Variants in RBPJ observed in about 807,000 individuals in gnomAD.
RBPJ encodes the protein recombining binding protein suppressor of hairless.
A neutral mutation model predicts 67.8 loss-of-function variants in RBPJ; 9 were observed. That is an observed-to-expected ratio of 0.13 (90% CI 0.08 to 0.23). The LOEUF (loss-of-function observed/expected upper bound fraction) is 0.23, where lower values mean the gene tolerates loss of function less well. Among genes scored for constraint, RBPJ ranks in the 10% least tolerant of loss-of-function variants. The pLI is 1.00. For synonymous variants in RBPJ, 198 were observed against 203.3 expected (o/e 0.97, Z 0.22); for missense variants, 305 against 595.6 (o/e 0.51, Z 5.08).
intron 1 of RBPJ, among the ~76,000 whole-genome samples, chr4:26,379,709 G>A (rs1730121894): frequency 6.6e-6 from 1 of 152,028 alleles, no homozygotes; most frequent in Admixed American, 6.6e-5. Context: ...AGAACACAGA[G>A]CCAAACCGTA....
At chr4:26,221,912 G>A (rs1403696259) in intron 1 of RBPJ, among the ~76,000 whole-genome samples, 2 of 152,178 alleles carry the variant, frequency 1.3e-5, no homozygotes, top group Non-Finnish European at 2.9e-5. Flanking sequence ...AGCGCTGAAC[G>A]AATTCAATCC....
At chr4:26,149,782 T>A in the RBPJ span, among the ~76,000 whole-genome samples, 2 of 152,182 alleles carry the variant, frequency 1.3e-5, no homozygotes, top group Admixed American at 6.5e-5. Flanking sequence ...GTTTTTGGTG[T>A]TCTCTTATAG....
At chr4:26,368,557 G>A (rs868659661) in intron 1 of RBPJ, among the ~76,000 whole-genome samples, 5 of 152,122 alleles carry the variant, frequency 3.3e-5, no homozygotes, top group African/African-American at 7.2e-5. Context: ...TGATAGCAGC[G>A]TGTATTCTTT....
rs1422110373 is a variant in RBPJ, at chr4:26,433,874, C to T, written c.*2867C>T. The T allele has an allele frequency of 6.6e-6, 1 of 152,138 alleles. No homozygotes were observed. Among genetic ancestry groups the T allele is most frequent in the Non-Finnish European group, 1.5e-5 (1 of 68,028 alleles). The allele number at this position is 152,138 out of a possible 1,614,324, so 9.4% of individuals were successfully genotyped here. A position where few individuals can be genotyped will look rare whatever the true frequency, so the allele number is the denominator to read the frequency against. ...CATTATTAGACATGCTGGTCATTTA[C>T]CCTCAGAAAGACTCTCTTATTAGAA... On this transcript the variant is annotated 3_prime_UTR_variant, in exon 11 of 11. Coordinates refer to ENST00000355476, the MANE Select transcript of RBPJ (RefSeq NM_015874.6).
chr4:26,283,307 G>A (rs1385878441), intron 1 of RBPJ, among the ~76,000 whole-genome samples: 1 of 151,674 alleles, frequency 6.6e-6, no homozygotes, highest in Non-Finnish European at 1.5e-5. Context: ...CACTTTGGGA[G>A]GCCGAGGTGG....
At chr4:26,340,099 A>T (rs2109393228) in intron 1 of RBPJ, among the ~76,000 whole-genome samples, 1 of 152,368 alleles carries the variant, frequency 6.6e-6, no homozygotes, top group Middle Eastern at 3.4e-3. Context: ...ATATGCTAGT[A>T]GTAAAGACAA....
intron 1 of RBPJ, among the ~76,000 whole-genome samples, chr4:26,323,486 G>A (rs1723300889): frequency 6.6e-6 from 1 of 152,132 alleles, no homozygotes; most frequent in Non-Finnish European, 1.5e-5. Context: ...AGCATATTTC[G>A]AAATCTGGAT....
At chr4:26,335,041 C>G (rs192503008) in intron 1 of RBPJ, among the ~76,000 whole-genome samples, 1 of 152,144 alleles carries the variant, frequency 6.6e-6, no homozygotes. Flanking sequence ...TTCTTTTTAC[C>G]ACCTGTATCT....
intron 2 of RBPJ, among the ~76,000 whole-genome samples, chr4:26,389,266 CA>C (rs1731253149): frequency 1.3e-5 from 2 of 150,610 alleles, no homozygotes; most frequent in Non-Finnish European, 3.0e-5. Context: ...AGAAACCACC[CA>C]GAAGCACTTT....
the RBPJ span, among the ~76,000 whole-genome samples, chr4:26,115,263 G>A: frequency 6.6e-6 from 1 of 152,136 alleles, no homozygotes; most frequent in Non-Finnish European, 1.5e-5. Flanking sequence ...AATGCCTATC[G>A]TCATTACCGC....
chr4:26,213,146 G>C (rs535375745), intron 1 of RBPJ, among the ~76,000 whole-genome samples: 1 of 152,280 alleles, frequency 6.6e-6, no homozygotes, highest in East Asian at 1.9e-4. Flanking sequence ...CTAAAGGAGA[G>C]GTCATGAGAA....
At chr4:26,341,959 T>C (rs994509586) in intron 1 of RBPJ, among the ~76,000 whole-genome samples, 18 of 152,138 alleles carry the variant, frequency 1.2e-4, no homozygotes, top group Admixed American at 1.2e-3. Flanking sequence ...CAAGAAGGGA[T>C]GGGACATAGT....
In RBPJ at chr4:26,353,044, G is replaced by A. The variant is rs937312167; in HGVS notation, c.20+31996G>A. Among the ~76,000 whole-genome samples, 4 of 152,316 alleles carry A rather than the reference G, an allele frequency of 2.6e-5. 1 individual carries two copies. Among genetic ancestry groups the A allele is most frequent in the African/African-American group, 9.6e-5 (4 of 41,558 alleles). On this transcript the variant is annotated intron_variant, in intron 1 of 10. Coordinates refer to ENST00000355476, the MANE Select transcript of RBPJ (RefSeq NM_015874.6). Reference sequence around the variant, plus strand: ...AAGGAAAGTATAGCAAAACCCGGTGGAAAGTGTAGCAATTTCTGAAGCTAC... The same window carrying A: ...AAGGAAAGTATAGCAAAACCCGGTGAAAAGTGTAGCAATTTCTGAAGCTAC...
chr4:26,410,242 C>A (rs1360605541), intron 3 of RBPJ: 3 of 205,988 alleles, frequency 1.5e-5, no homozygotes, highest in Non-Finnish European at 3.1e-5. Flanking sequence ...TACCTGGGGG[C>A]ATGATCACAG....
chr4:26,241,212 A>T (rs570269638), intron 1 of RBPJ, among the ~76,000 whole-genome samples: 24 of 152,150 alleles, frequency 1.6e-4, no homozygotes, highest in Non-Finnish European at 2.5e-4. Flanking sequence ...ATAAAAAAAA[A>T]AAAAAAAAAA....
At chr4:26,215,400 AG>A (rs112269466) in intron 1 of RBPJ, among the ~76,000 whole-genome samples, 39 of 22,384 alleles carry the variant, frequency 1.7e-3, no homozygotes, top group Admixed American at 5.6e-3. Flanking sequence ...AGAGGAAGGA[AG>A]GGGGGGGAAG....
chr4:26,319,186 A>G (rs1370653345), upstream of RBPJ, among the ~76,000 whole-genome samples: 7 of 152,012 alleles, frequency 4.6e-5, no homozygotes, highest in African/African-American at 2.4e-5. Context: ...GTTTTAGGAA[A>G]GTACCAGGCT....
chr4:26,368,679 G>A (rs902187830), intron 1 of RBPJ, among the ~76,000 whole-genome samples: 1 of 152,218 alleles, frequency 6.6e-6, no homozygotes, highest in Admixed American at 6.5e-5. Context: ...CCCAAGGGTG[G>A]TGAGGGGATT....
intron 1 of RBPJ, among the ~76,000 whole-genome samples, chr4:26,261,010 G>A (rs1720512998): frequency 6.6e-6 from 1 of 152,134 alleles, no homozygotes; most frequent in Admixed American, 6.5e-5. Context: ...CCTAAACGAT[G>A]TAAGACAATA....
Sources: gnomAD v4.1 joint callset for allele counts (sites outside exome capture counted in the v4.1 genomes callset) on GRCh38, gnomAD v4.1.1 for gene constraint, MANE v1.5 for transcripts, NCBI Gene and HGNC (gene_info 2026-07-23, HGNC 2026-07-21) for gene names.